Variants in PIK3C3 observed in about 807,000 individuals in gnomAD.
PIK3C3 encodes the protein PI3-kinase type 3.
Under a neutral mutation model 126.1 loss-of-function variants are expected in PIK3C3, and 95 were observed. The observed-to-expected ratio is 0.75, with a 90% CI of 0.64 to 0.89. The LOEUF (loss-of-function observed/expected upper bound fraction) is 0.89. Ranked by LOEUF, PIK3C3 falls within the 40% of genes least tolerant of loss-of-function variation. The pLI is 0.00. For synonymous variants in PIK3C3, 374 were observed against 360.0 expected (o/e 1.04, Z -0.44); for missense variants, 829 against 1,063.2 (o/e 0.78, Z 3.06).
rs138605605 is a variant in PIK3C3, at chr18:42,085,999, T to A, written c.*4862T>A. ...AGCTGAGTGTGGTGGTTCACACTTG[T>A]AATCACAGCTACCTGGGAGGCTGAG... On this transcript the variant is annotated 3_prime_UTR_variant, in exon 25 of 25. Coordinates refer to ENST00000262039, the MANE Select transcript of PIK3C3 (RefSeq NM_002647.4). 1 of 152,340 alleles carries A rather than the reference T, an allele frequency of 6.6e-6. No homozygotes were observed. The highest frequency in any genetic ancestry group is 1.5e-5 in the Non-Finnish European group (1 of 68,128). 9.4% of individuals were successfully genotyped at this position (152,340 alleles called of 1,614,324 possible).
At chr18:42,036,643 T>G (rs1457507856) in intron 16 of PIK3C3, among the ~76,000 whole-genome samples, 1 of 152,040 alleles carries the variant, frequency 6.6e-6, no homozygotes, top group Non-Finnish European at 1.5e-5. Context: ...TTATTTTTTT[T>G]TTGTTGATTT....
At chr18:42,020,754 A>AT (rs1279748122) in intron 13 of PIK3C3, 49 bp downstream of exon 13, 3 of 997,278 alleles carry the variant, frequency 3.0e-6, no homozygotes, top group Middle Eastern at 2.5e-4. Flanking sequence ...CTTAAGAATT[A>AT]TTTTTTCTCA....
intron 4 of PIK3C3, among the ~76,000 whole-genome samples, chr18:41,983,721 G>A (rs980778556): frequency 1.2e-4 from 18 of 152,118 alleles, no homozygotes; most frequent in Admixed American, 1.2e-3. Flanking sequence ...AGTGCAGCAA[G>A]TTGGCCTACT....
chr18:42,065,986 A>G (rs930884014), intron 23 of PIK3C3, among the ~76,000 whole-genome samples: 5 of 152,212 alleles, frequency 3.3e-5, no homozygotes, highest in Non-Finnish European at 5.9e-5. Context: ...AAATTGGGCT[A>G]AAGTTTATTT....
At position 42,081,275 on chromosome 18, in the gene PIK3C3, A is replaced by T. The variant is rs548549830; in HGVS notation, c.*138A>T. 2.3e-4 allele frequency: 132 copies of T among 564,828 alleles called. No homozygotes were observed. Among genetic ancestry groups the T allele is most frequent in the Non-Finnish European group, 2.6e-4 (83 of 314,956 alleles). The allele number at this position is 564,828 out of a possible 1,614,324, so 35.0% of individuals were successfully genotyped here. ...CAAGTTACCATATTTTCCAAATATT[A>T]CATGGTACCTGAGTTCTGCTTCCTT... On this transcript the variant is annotated 3_prime_UTR_variant, in exon 25 of 25. Transcript: ENST00000262039.
chr18:42,039,591 T>C (rs1598921216), intron 18 of PIK3C3, among the ~76,000 whole-genome samples: 1 of 152,252 alleles, frequency 6.6e-6, no homozygotes, highest in Admixed American at 6.5e-5. Context: ...TTTTATCTAA[T>C]GCATTGTGCT....
intron 24 of PIK3C3, among the ~76,000 whole-genome samples, chr18:42,079,991 G>A (rs1490666808): frequency 1.6e-3 from 217 of 133,954 alleles, no homozygotes; most frequent in Admixed American, 4.4e-3. Context: ...GTGTATGTAA[G>A]AGAGAGAGTG....
chr18:41,976,525 A>C (rs759480823), intron 4 of PIK3C3, among the ~76,000 whole-genome samples: 3 of 152,220 alleles, frequency 2.0e-5, no homozygotes, highest in Non-Finnish European at 2.9e-5. Flanking sequence ...TAGAGAAGGG[A>C]TTAAGATCAT....
intron 24 of PIK3C3, among the ~76,000 whole-genome samples, chr18:42,076,189 T>A (rs1986019283): frequency 8.5e-6 from 1 of 118,312 alleles, no homozygotes; most frequent in Non-Finnish European, 1.6e-5. Flanking sequence ...CACATATATA[T>A]ATGCACACAT....
chr18:42,049,701 CG>C, intron 21 of PIK3C3, 96 bp downstream of exon 21: 2 of 963,714 alleles, frequency 2.1e-6, no homozygotes, highest in Non-Finnish European at 3.3e-6. Flanking sequence ...CGGCCTGGCG[CG>C]GTGGCTCACG....
intron 9 of PIK3C3, among the ~76,000 whole-genome samples, chr18:41,998,272 T>C (rs535652495): frequency 6.6e-6 from 1 of 152,280 alleles, no homozygotes; most frequent in South Asian, 2.1e-4. Flanking sequence ...AAAGGAAATA[T>C]TCACTAACAG....
intron 12 of PIK3C3, 73 bp downstream of exon 12, chr18:42,015,639 A>C (rs747157795): frequency 1.4e-5 from 14 of 1,005,390 alleles, no homozygotes; most frequent in Non-Finnish European, 2.2e-5. Flanking sequence ...TGTCTTTAAA[A>C]CCTCAATTTT....
intron 22 of PIK3C3, among the ~76,000 whole-genome samples, chr18:42,062,291 A>G: frequency 6.6e-6 from 1 of 150,592 alleles, no homozygotes; most frequent in Non-Finnish European, 1.5e-5. Context: ...TGCTGGCATC[A>G]CATTCCTTGA....
At chr18:41,985,347 G>A (rs901799837) in intron 4 of PIK3C3, among the ~76,000 whole-genome samples, 1 of 152,138 alleles carries the variant, frequency 6.6e-6, no homozygotes, top group Non-Finnish European at 1.5e-5. Flanking sequence ...ATTTTGAGTG[G>A]TAACTGTACA....
chr18:42,055,525 T>TAA (rs1389183712), intron 21 of PIK3C3, among the ~76,000 whole-genome samples: 1 of 152,090 alleles, frequency 6.6e-6, no homozygotes. Flanking sequence ...GTAGGAAAGA[T>TAA]ACGACATTCA....
intron 9 of PIK3C3, 148 bp downstream of exon 9, chr18:41,996,878 A>T: frequency 2.3e-6 from 1 of 427,392 alleles, no homozygotes; most frequent in South Asian, 7.6e-5. Flanking sequence ...TTTTTAAAAA[A>T]ATTATGAAAT....
At chr18:42,022,187 C>T (rs1433018307) in intron 13 of PIK3C3, among the ~76,000 whole-genome samples, 3 of 152,026 alleles carry the variant, frequency 2.0e-5, no homozygotes, top group Admixed American at 1.3e-4. Flanking sequence ...ATGTGCACAA[C>T]GTGCAGGTTT....
chr18:41,982,700 C>G (rs1349712184), intron 4 of PIK3C3, among the ~76,000 whole-genome samples: 1 of 152,140 alleles, frequency 6.6e-6, no homozygotes, highest in Non-Finnish European at 1.5e-5. Context: ...CCCAGTCTAC[C>G]TACCACTCAA....
At chr18:42,006,322 C>T (rs1982540598) in intron 10 of PIK3C3, among the ~76,000 whole-genome samples, 2 of 145,168 alleles carry the variant, frequency 1.4e-5, no homozygotes, top group African/African-American at 4.9e-5. Context: ...TTCACCAACC[C>T]AAAAGCTCTC....
Sources: gnomAD v4.1 joint callset for allele counts (sites outside exome capture counted in the v4.1 genomes callset) on GRCh38, gnomAD v4.1.1 for gene constraint, MANE v1.5 for transcripts, NCBI Gene and HGNC (gene_info 2026-07-23, HGNC 2026-07-21) for gene names.